Variants in LSAMP observed in about 807,000 individuals in gnomAD.
The protein encoded by LSAMP is limbic system-associated membrane protein.
LSAMP carries 7 observed loss-of-function variants against 38.6 expected under a neutral mutation model. The ratio of observed to expected loss-of-function variants is 0.18; its 90% CI spans 0.10 to 0.34. LSAMP has a LOEUF of 0.34. Ranked by LOEUF, LSAMP falls within the 10% of genes least tolerant of loss-of-function variation. LSAMP has a pLI of 1.00. For synonymous variants in LSAMP, 154 were observed against 166.8 expected (o/e 0.92, Z 0.59); for missense variants, 313 against 420.0 (o/e 0.75, Z 2.23).
At chr3:116,092,815 A>G (rs1419806627) in intron 1 of LSAMP, among the ~76,000 whole-genome samples, 2 of 152,252 alleles carry the variant, frequency 1.3e-5, no homozygotes, top group Non-Finnish European at 2.9e-5. Flanking sequence ...TTAATAGCAT[A>G]TGTACTGACA....
rs557647833 is a variant in LSAMP at position 116,418,110 on chromosome 3, T to C, written c.155+26767A>G. On this transcript the variant is annotated intron_variant, in intron 1 of 6. Transcript: ENST00000490035. ...CTTTCCCTCTCACTGGTATCTGGAT[T>C]TTTTAGTTGGTCACTTTCCTGTATA... 2.6e-5 allele frequency among the ~76,000 whole-genome samples: 4 copies of C among 152,330 alleles called. No individual in the cohort carries two copies. In the South Asian group the frequency reaches 8.3e-4, roughly 32 times the overall value.
intron 1 of LSAMP, among the ~76,000 whole-genome samples, chr3:116,253,514 A>C (rs2046711876): frequency 1.3e-5 from 2 of 152,200 alleles, no homozygotes; most frequent in South Asian, 4.1e-4. Context: ...ACAGCAACCC[A>C]AAATAAGACT....
At chr3:116,250,951 C>T (rs1247087721) in intron 1 of LSAMP, among the ~76,000 whole-genome samples, 1 of 152,164 alleles carries the variant, frequency 6.6e-6, no homozygotes, top group Non-Finnish European at 1.5e-5. Context: ...CCTGTGTGTA[C>T]ATCTGTCTTA....
chr3:116,289,260 C>G (rs1451528643), intron 1 of LSAMP, among the ~76,000 whole-genome samples: 1 of 152,172 alleles, frequency 6.6e-6, no homozygotes. Flanking sequence ...CATTGTCAAA[C>G]ATTTGAAAAC....
intron 1 of LSAMP, among the ~76,000 whole-genome samples, chr3:116,275,642 T>A (rs1017698662): frequency 6.6e-6 from 1 of 152,154 alleles, no homozygotes; most frequent in Non-Finnish European, 1.5e-5. Context: ...CCAAATAATA[T>A]TCTTCCCAGA....
chr3:116,016,497 G>C (rs1364661438), intron 3 of LSAMP, among the ~76,000 whole-genome samples: 1 of 152,152 alleles, frequency 6.6e-6, no homozygotes, highest in Non-Finnish European at 1.5e-5. Flanking sequence ...CTTGGTGGGG[G>C]ATATCCCCAA....
intron 3 of LSAMP, among the ~76,000 whole-genome samples, chr3:115,877,862 A>T (rs967096697): frequency 2.0e-5 from 3 of 152,118 alleles, no homozygotes; most frequent in African/African-American, 4.8e-5. Context: ...AAAATTTTTT[A>T]AAATGTGGTT....
At chr3:116,137,600 A>T (rs1298694572) in intron 1 of LSAMP, among the ~76,000 whole-genome samples, 1 of 152,142 alleles carries the variant, frequency 6.6e-6, no homozygotes, top group Non-Finnish European at 1.5e-5. Context: ...ATGCTGAAAA[A>T]TAATCACAAG....
chr3:116,442,330 T>C lies in LSAMP; in HGVS notation c.155+2547A>G, dbSNP rs55812595. ...CGGGGCCACAAACTCACTAAGAGAA[T>C]TATTTTTTTCTCCTAGCCATTTCAC... On this transcript the variant is annotated intron_variant, in intron 1 of 6. Coordinates refer to ENST00000490035, the MANE Select transcript of LSAMP (RefSeq NM_002338.5). 2.0e-3 allele frequency among the ~76,000 whole-genome samples: 306 copies of C among 152,196 alleles called. 1 individual carries two copies. The highest frequency in any genetic ancestry group is 6.9e-3 in the African/African-American group (285 of 41,530).
intron 1 of LSAMP, among the ~76,000 whole-genome samples, chr3:116,094,630 CAG>C (rs1171831868): frequency 6.6e-6 from 1 of 152,160 alleles, no homozygotes; most frequent in Admixed American, 6.5e-5. Flanking sequence ...TAGTAGAACA[CAG>C]AGGTGGTAAA....
chr3:116,149,921 G>A (rs1362372234), intron 1 of LSAMP, among the ~76,000 whole-genome samples: 1 of 151,986 alleles, frequency 6.6e-6, no homozygotes, highest in Non-Finnish European at 1.5e-5. Context: ...ATATGTTGTT[G>A]AAATAGCAAA....
At chr3:116,111,782 G>A (rs1708621999) in intron 1 of LSAMP, among the ~76,000 whole-genome samples, 1 of 152,136 alleles carries the variant, frequency 6.6e-6, no homozygotes, top group Non-Finnish European at 1.5e-5. Flanking sequence ...CTACTCTTCT[G>A]ACAAAAGTTT....
At chr3:116,435,674 A>G (rs1164535255) in intron 1 of LSAMP, among the ~76,000 whole-genome samples, 1 of 152,178 alleles carries the variant, frequency 6.6e-6, no homozygotes, top group African/African-American at 2.4e-5. Context: ...CATCAGCTTC[A>G]TTGTTAGCCC....
chr3:116,340,418 T>A (rs1258874953), intron 1 of LSAMP, among the ~76,000 whole-genome samples: 2 of 123,404 alleles, frequency 1.6e-5, no homozygotes, highest in Admixed American at 7.8e-5. Flanking sequence ...TTACCCCTTA[T>A]AATTGAGGAA....
At chr3:115,877,390 G>A (rs1015426653) in intron 3 of LSAMP, among the ~76,000 whole-genome samples, 4 of 152,104 alleles carry the variant, frequency 2.6e-5, no homozygotes, top group African/African-American at 9.6e-5. Flanking sequence ...ATATACTGTT[G>A]TAGTGTCAAA....
intron 1 of LSAMP, among the ~76,000 whole-genome samples, chr3:116,223,699 A>C (rs1287029586): frequency 6.6e-6 from 1 of 152,190 alleles, no homozygotes; most frequent in Non-Finnish European, 1.5e-5. Flanking sequence ...TTTAATGTTG[A>C]CACTATAGTA....
intron 1 of LSAMP, among the ~76,000 whole-genome samples, chr3:116,438,893 C>G (rs917796775): frequency 6.6e-6 from 1 of 152,168 alleles, no homozygotes; most frequent in African/African-American, 2.4e-5. Flanking sequence ...TCTATTTCCT[C>G]TCTCCCGTTT....
At chr3:115,930,311 A>G (rs567539112) in intron 3 of LSAMP, among the ~76,000 whole-genome samples, 1 of 152,238 alleles carries the variant, frequency 6.6e-6, no homozygotes, top group African/African-American at 2.4e-5. Context: ...TAAACACCCA[A>G]TAAGCATGTA....
rs6775293 is a variant in LSAMP at position 116,296,153 on chromosome 3, G to A, written c.155+148724C>T. ...GCTCTCTACTCTCTTAGCTAATTCC[G>A]TCCCAGTCTTTGAAACTTTGAGTGT... On this transcript the variant is annotated intron_variant, in intron 1 of 6. Coordinates refer to ENST00000490035, the MANE Select transcript of LSAMP (RefSeq NM_002338.5). Among the ~76,000 whole-genome samples the A allele has an allele frequency of 5.3e-5, 8 of 152,104 alleles. No homozygotes were observed. In the East Asian group the frequency reaches 1.4e-3, roughly 26 times the overall value.
Sources: allele counts gnomAD v4.1 joint callset (sites outside exome capture counted in the v4.1 genomes callset), GRCh38; gene constraint gnomAD v4.1.1; transcripts MANE v1.5; gene names NCBI Gene and HGNC (gene_info 2026-07-23, HGNC 2026-07-21).